Variants in PALS2 observed in about 807,000 individuals in gnomAD.
PALS2 encodes the protein protein PALS2.
In PALS2, 27 loss-of-function variants were observed where a neutral mutation model predicts 61.6. The ratio of observed to expected loss-of-function variants is 0.44; its 90% CI spans 0.32 to 0.60. PALS2 has a LOEUF of 0.60. Ranked by LOEUF, PALS2 falls within the 20% of genes least tolerant of loss-of-function variation. The pLI, the probability that PALS2 is intolerant of heterozygous loss-of-function variation, is 0.05. For missense variants in PALS2, 554 were observed against 639.4 expected (o/e 0.87, Z 1.44); for synonymous variants, 236 against 218.6 (o/e 1.08, Z -0.70).
At chr7:24,581,692 C>A (rs796675893) in intron 1 of PALS2, among the ~76,000 whole-genome samples, 4 of 152,152 alleles carry the variant, frequency 2.6e-5, no homozygotes, top group Non-Finnish European at 4.4e-5. Context: ...AGGGCAGCCC[C>A]CCTCAACAAG....
At chr7:24,685,820 G>A (rs1182595836) in intron 11 of PALS2, among the ~76,000 whole-genome samples, 5 of 152,054 alleles carry the variant, frequency 3.3e-5, no homozygotes, top group African/African-American at 4.8e-5. Context: ...TTCAGGCCTG[G>A]CAGTGAATCC....
At chr7:24,619,839 T>G (rs1373223903) in intron 1 of PALS2, among the ~76,000 whole-genome samples, 2 of 152,102 alleles carry the variant, frequency 1.3e-5, no homozygotes. Flanking sequence ...TGTAGGTAAC[T>G]TACTTTTTGA....
chr7:24,576,764 C>T (rs1229289556), intron 1 of PALS2, among the ~76,000 whole-genome samples: 3 of 152,144 alleles, frequency 2.0e-5, no homozygotes, highest in African/African-American at 7.2e-5. Context: ...TATCCAAACC[C>T]TTTAAACAAA....
chr7:24,664,565 A>G (rs998321016), intron 6 of PALS2, among the ~76,000 whole-genome samples: 1 of 152,174 alleles, frequency 6.6e-6, no homozygotes, highest in African/African-American at 2.4e-5. Context: ...GGTAACTCAC[A>G]TTAGCTCTAA....
intron 1 of PALS2, among the ~76,000 whole-genome samples, chr7:24,586,183 G>A (rs1783058593): frequency 6.6e-6 from 1 of 151,666 alleles, no homozygotes. Context: ...AGATGTTAGG[G>A]GAAAACAAAG....
intron 1 of PALS2, among the ~76,000 whole-genome samples, chr7:24,577,271 CTTT>C (rs59851624): frequency 1.5e-5 from 2 of 131,326 alleles, no homozygotes; most frequent in African/African-American, 2.8e-5. Flanking sequence ...TCCTTTTTTC[CTTT>C]TTTTTTTTTT....
intron 5 of PALS2, among the ~76,000 whole-genome samples, chr7:24,657,605 T>G (rs1210036060): frequency 6.6e-6 from 1 of 152,222 alleles, no homozygotes; most frequent in Non-Finnish European, 1.5e-5. Context: ...TACAAGTGCT[T>G]CATCAGAATT....
intron 1 of PALS2, among the ~76,000 whole-genome samples, chr7:24,595,652 C>T (rs765490555): frequency 6.8e-6 from 1 of 146,662 alleles, no homozygotes; most frequent in African/African-American, 2.5e-5. Flanking sequence ...GGAGACAGAA[C>T]AATGAGTGAA....
At chr7:24,612,553 A>G (rs1352440315) in intron 1 of PALS2, among the ~76,000 whole-genome samples, 1 of 151,812 alleles carries the variant, frequency 6.6e-6, no homozygotes, top group South Asian at 2.1e-4. Flanking sequence ...CTTACCTCAG[A>G]ACACGGCTTC....
intron 2 of PALS2, among the ~76,000 whole-genome samples, chr7:24,624,828 G>A (rs950542116): frequency 6.6e-6 from 1 of 151,818 alleles, no homozygotes. Context: ...GGCTGGTCTC[G>A]AACTCCTGAC....
intron 10 of PALS2, 59 bp downstream of exon 10, chr7:24,679,392 T>C (rs1426004840): frequency 1.9e-6 from 3 of 1,567,954 alleles, no homozygotes; most frequent in Non-Finnish European, 1.7e-6. Flanking sequence ...GTTTTTTTCA[T>C]GTGTGTCGGG....
At chr7:24,628,397 A>C (rs781617640) in intron 2 of PALS2, among the ~76,000 whole-genome samples, 65 of 152,204 alleles carry the variant, frequency 4.3e-4, no homozygotes, top group Non-Finnish European at 1.8e-4. Flanking sequence ...ACAAACCAAC[A>C]GCCAATATCA....
chr7:24,623,733 A>T lies in PALS2; in HGVS notation c.66A>T (p.Leu22=). Residue 22 remains leucine (L), a synonymous_variant, in exon 2 of 12, where the codon CTA becomes CTT. Transcript: ENST00000222644. ...PSSTGAEEID[L]IFLKGIMENP... Reference sequence around the variant, plus strand: ...CTACTGGAGCAGAAGAAATAGACCTAATTTTCCTCAAGGGAATTATGGAGA... The same window carrying T: ...CTACTGGAGCAGAAGAAATAGACCTTATTTTCCTCAAGGGAATTATGGAGA... The T allele has an allele frequency of 6.2e-7, 1 of 1,608,818 alleles. No homozygotes were observed. Among genetic ancestry groups the T allele is most frequent in the Non-Finnish European group, 8.5e-7 (1 of 1,177,356 alleles).
At chr7:24,604,105 G>A (rs1034359341) in intron 1 of PALS2, among the ~76,000 whole-genome samples, 1 of 151,816 alleles carries the variant, frequency 6.6e-6, no homozygotes, top group Non-Finnish European at 1.5e-5. Flanking sequence ...CAGCTACACA[G>A]GAGGCTGAGG....
chr7:24,584,803 G>A lies in PALS2; in HGVS notation c.-3+11210G>A, dbSNP rs1175574144. 7.2e-5 allele frequency among the ~76,000 whole-genome samples: 11 copies of A among 151,748 alleles called. No homozygotes were observed. In the South Asian group the frequency reaches 8.3e-4, roughly 11 times the overall value. ...GGGTTTTTATAGTTTTAGGTCTAAC[G>A]TTTAAGTCTTTAATCCATCTTGAAT... On this transcript the variant is annotated intron_variant, in intron 1 of 11. Transcript: ENST00000222644.
At chr7:24,588,129 A>G (rs1199833673) in intron 1 of PALS2, among the ~76,000 whole-genome samples, 1 of 152,200 alleles carries the variant, frequency 6.6e-6, no homozygotes, top group African/African-American at 2.4e-5. Context: ...AACTGACAGC[A>G]GTGCGAAGAT....
chr7:24,581,209 T>G (rs1204766941), intron 1 of PALS2, among the ~76,000 whole-genome samples: 1 of 151,756 alleles, frequency 6.6e-6, no homozygotes, highest in Non-Finnish European at 1.5e-5. Context: ...GGCTGGCATT[T>G]GAAATCTTTC....
intron 9 of PALS2, among the ~76,000 whole-genome samples, chr7:24,678,604 T>C (rs1344396502): frequency 6.6e-6 from 1 of 152,162 alleles, no homozygotes; most frequent in African/African-American, 2.4e-5. Flanking sequence ...GAAGTGTTAA[T>C]GTGGAAAGAA....
chr7:24,595,442 CATAATAT>C (rs1783465718), intron 1 of PALS2, among the ~76,000 whole-genome samples: 1 of 134,436 alleles, frequency 7.4e-6, no homozygotes. Context: ...ATATAAAATA[CATAATAT>C]ATAATATATA....
Sources: allele counts gnomAD v4.1 joint callset (sites outside exome capture counted in the v4.1 genomes callset), GRCh38; gene constraint gnomAD v4.1.1; transcripts MANE v1.5; gene names NCBI Gene and HGNC (gene_info 2026-07-23, HGNC 2026-07-21).